LINGO2: variants seen among roughly 807,000 people sequenced by gnomAD.
LINGO2 encodes the protein leucine rich repeat and Ig domain containing 2.
LINGO2 carries 14 observed loss-of-function variants against 30.6 expected under a neutral mutation model. That is an observed-to-expected ratio of 0.46 (90% CI 0.30 to 0.72). The LOEUF (loss-of-function observed/expected upper bound fraction) is 0.72. LINGO2 is among the 30% of genes least tolerant of loss of function. LINGO2 has a pLI of 0.07. For missense variants in LINGO2, 729 were observed against 751.7 expected (o/e 0.97, Z 0.35); for synonymous variants, 317 against 288.5 (o/e 1.10, Z -1.00).
At chr9:28,308,817 A>T (rs889223124) in intron 3 of LINGO2, among the ~76,000 whole-genome samples, 1 of 152,200 alleles carries the variant, frequency 6.6e-6, no homozygotes, top group African/African-American at 2.4e-5. Flanking sequence ...TGCAGCCAAA[A>T]AACACATGAA....
the LINGO2 span, among the ~76,000 whole-genome samples, chr9:28,795,014 A>G: frequency 1.3e-5 from 2 of 151,868 alleles, no homozygotes; most frequent in African/African-American, 2.4e-5. Context: ...TGTTTTTACT[A>G]GAGACTGGGT....
At chr9:28,443,566 T>G (rs1437080184) in intron 2 of LINGO2, among the ~76,000 whole-genome samples, 1 of 152,228 alleles carries the variant, frequency 6.6e-6, no homozygotes, top group Non-Finnish European at 1.5e-5. Flanking sequence ...CCACTTCCAG[T>G]GGCTGCTCCA....
chr9:28,463,505 G>A (rs1047698518), intron 2 of LINGO2, among the ~76,000 whole-genome samples: 6 of 151,988 alleles, frequency 3.9e-5, no homozygotes, highest in Non-Finnish European at 7.4e-5. Context: ...CATTTCTACT[G>A]ACAAAAAGAT....
At chr9:29,015,699 T>G in the LINGO2 span, among the ~76,000 whole-genome samples, 5 of 152,154 alleles carry the variant, frequency 3.3e-5, no homozygotes, top group African/African-American at 9.7e-5. Flanking sequence ...TTGTAAGGTC[T>G]GCTTCCTCTT....
the LINGO2 span, among the ~76,000 whole-genome samples, chr9:28,691,151 A>G: frequency 6.6e-6 from 1 of 152,208 alleles, no homozygotes; most frequent in South Asian, 2.1e-4. Flanking sequence ...AAACCAAAAG[A>G]ATTATTCTCT....
At chr9:29,186,134 C>G in the LINGO2 span, among the ~76,000 whole-genome samples, 1 of 151,982 alleles carries the variant, frequency 6.6e-6, no homozygotes, top group Non-Finnish European at 1.5e-5. Flanking sequence ...ATAAAATGAG[C>G]AAACTGAACT....
chr9:29,059,411 A>AT, the LINGO2 span, among the ~76,000 whole-genome samples: 23,009 of 142,086 alleles, frequency 0.16, 2,058 homozygotes, highest in South Asian at 0.21. Flanking sequence ...AAAGATTAAA[A>AT]TTAAAAAATA....
At chr9:28,607,553 T>A (rs944669390) in intron 1 of LINGO2, among the ~76,000 whole-genome samples, 1 of 152,064 alleles carries the variant, frequency 6.6e-6, no homozygotes, top group African/African-American at 2.4e-5. Flanking sequence ...ACTTTCACTC[T>A]GTTTCTACAT....
the LINGO2 span, among the ~76,000 whole-genome samples, chr9:28,884,631 T>TA: frequency 6.7e-6 from 1 of 149,962 alleles, no homozygotes; most frequent in African/African-American, 2.4e-5. Context: ...AGTTTATACA[T>TA]AAGTAAGTCA....
the LINGO2 span, among the ~76,000 whole-genome samples, chr9:28,983,984 T>C: frequency 6.6e-6 from 1 of 152,012 alleles, no homozygotes; most frequent in African/African-American, 2.4e-5. Context: ...CTCCAATATG[T>C]AGGTATATTC....
chr9:28,528,783 T>G (rs1349983731), intron 1 of LINGO2, among the ~76,000 whole-genome samples: 3 of 152,090 alleles, frequency 2.0e-5, no homozygotes, highest in African/African-American at 7.2e-5. Flanking sequence ...GTGTGTATTG[T>G]TGATGTGTAT....
intron 4 of LINGO2, among the ~76,000 whole-genome samples, chr9:28,135,299 G>C (rs373655623): frequency 2.2e-4 from 34 of 151,662 alleles, no homozygotes; most frequent in African/African-American, 8.2e-4. Flanking sequence ...AAGATGAAAT[G>C]AAAGAAAAAA....
At chr9:29,154,475 A>C in the LINGO2 span, among the ~76,000 whole-genome samples, 1 of 147,358 alleles carries the variant, frequency 6.8e-6, no homozygotes, top group African/African-American at 2.5e-5. Context: ...AAAAAATCTC[A>C]CATTGGCTCC....
intron 2 of LINGO2, among the ~76,000 whole-genome samples, chr9:28,387,547 G>C (rs754690940): frequency 6.6e-6 from 1 of 152,204 alleles, no homozygotes; most frequent in Non-Finnish European, 1.5e-5. Context: ...TCTTGGTGCT[G>C]CTCACTCTTT....
At chr9:28,715,020 T>C in the LINGO2 span, among the ~76,000 whole-genome samples, 3 of 152,300 alleles carry the variant, frequency 2.0e-5, no homozygotes, top group Admixed American at 1.3e-4. Context: ...TGTATTTTTA[T>C]AGGTTACACT....
intron 2 of LINGO2, among the ~76,000 whole-genome samples, chr9:28,373,547 T>G (rs946776794): frequency 6.6e-6 from 1 of 152,150 alleles, no homozygotes; most frequent in African/African-American, 2.4e-5. Flanking sequence ...CATTGTTCTC[T>G]TTGAGGAATA....
intron 4 of LINGO2, among the ~76,000 whole-genome samples, chr9:28,279,661 A>T (rs1208539819): frequency 6.6e-6 from 1 of 152,176 alleles, no homozygotes; most frequent in African/African-American, 2.4e-5. Flanking sequence ...TTTTGTATGC[A>T]CTAGGAAGCC....
the LINGO2 span, among the ~76,000 whole-genome samples, chr9:29,183,233 G>C: frequency 6.6e-6 from 1 of 152,144 alleles, no homozygotes; most frequent in Non-Finnish European, 1.5e-5. Flanking sequence ...TTTTGTTTGA[G>C]TAAGCTAAGA....
chr9:28,762,483 G>T, the LINGO2 span, among the ~76,000 whole-genome samples: 1 of 152,012 alleles, frequency 6.6e-6, no homozygotes, highest in Non-Finnish European at 1.5e-5. Context: ...TAAAGCAAAG[G>T]TGATAATAGT....
Sources: gnomAD v4.1 joint callset for allele counts (sites outside exome capture counted in the v4.1 genomes callset) on GRCh38, gnomAD v4.1.1 for gene constraint, MANE v1.5 for transcripts, NCBI Gene and HGNC (gene_info 2026-07-23, HGNC 2026-07-21) for gene names.